DLGAP2: variants seen among roughly 807,000 people sequenced by gnomAD.
The protein encoded by DLGAP2 is DLG associated protein 2.
A neutral mutation model predicts 100.3 loss-of-function variants in DLGAP2; 26 were observed. The observed-to-expected ratio is 0.26, with a 90% CI of 0.19 to 0.36. The LOEUF (loss-of-function observed/expected upper bound fraction) is 0.36. Ranked by LOEUF, DLGAP2 falls within the 10% of genes least tolerant of loss-of-function variation. DLGAP2 has a pLI of 1.00. For synonymous variants in DLGAP2, 886 were observed against 630.1 expected (o/e 1.41, Z -6.08); for missense variants, 1,858 against 1,453.2 (o/e 1.28, Z -4.53).
intron 8 of DLGAP2, among the ~76,000 whole-genome samples, chr8:1,633,730 A>T (rs2130782618): frequency 6.6e-6 from 1 of 152,318 alleles, no homozygotes; most frequent in South Asian, 2.1e-4. Flanking sequence ...GAGGCGCCGC[A>T]CATAGAGGTT....
chr8:1,163,368 C>G (rs1796929672), intron 2 of DLGAP2, among the ~76,000 whole-genome samples: 2 of 152,234 alleles, frequency 1.3e-5, no homozygotes, highest in African/African-American at 2.4e-5. Flanking sequence ...CGCCTCCGCT[C>G]AGCGGGTCCG....
At chr8:862,004 A>C (rs868222051) in intron 1 of DLGAP2, among the ~76,000 whole-genome samples, 22 of 152,286 alleles carry the variant, frequency 1.4e-4, no homozygotes, top group South Asian at 8.3e-4. Context: ...TTTAGACTAA[A>C]TTTCTTTTGA....
At chr8:1,633,180 CA>C in intron 8 of DLGAP2, 134 bp downstream of exon 8, 1 of 801,458 alleles carries the variant, frequency 1.2e-6, no homozygotes, top group Admixed American at 2.6e-5. Context: ...TTCCTAATTG[CA>C]TGTGTTACAC....
chr8:1,178,444 C>G (rs1481687064), intron 2 of DLGAP2, among the ~76,000 whole-genome samples: 1 of 152,284 alleles, frequency 6.6e-6, no homozygotes, highest in Admixed American at 6.5e-5. Flanking sequence ...CTCTGTGTTT[C>G]TGTCCTGCTT....
At chr8:1,329,291 A>C (rs562972878) in intron 3 of DLGAP2, among the ~76,000 whole-genome samples, 2 of 152,350 alleles carry the variant, frequency 1.3e-5, no homozygotes, top group African/African-American at 4.8e-5. Context: ...GTAATCGCAC[A>C]AGTGCACCAG....
At chr8:1,331,397 G>A (rs1171059745) in intron 3 of DLGAP2, among the ~76,000 whole-genome samples, 2 of 151,986 alleles carry the variant, frequency 1.3e-5, no homozygotes, top group Non-Finnish European at 2.9e-5. Context: ...CTACGGACTC[G>A]AGCCTGAAAT....
At chr8:1,191,212 C>A (rs1157759881) in intron 2 of DLGAP2, among the ~76,000 whole-genome samples, 2 of 144,930 alleles carry the variant, frequency 1.4e-5, no homozygotes, top group Non-Finnish European at 3.0e-5. Context: ...CACTCTGTCA[C>A]CCAGGCTGGA....
At chr8:1,493,154 C>T (rs1163704431) in intron 3 of DLGAP2, among the ~76,000 whole-genome samples, 1 of 152,224 alleles carries the variant, frequency 6.6e-6, no homozygotes, top group Non-Finnish European at 1.5e-5. Context: ...GTAGCAAGAA[C>T]TCGGGGAGAA....
chr8:1,453,821 A>G (rs564865232), intron 3 of DLGAP2, among the ~76,000 whole-genome samples: 12 of 152,382 alleles, frequency 7.9e-5, no homozygotes, highest in South Asian at 6.2e-4. Context: ...AGAATTATGA[A>G]GAAAAACGCC....
chr8:1,304,450 G>T (rs1034817788), intron 3 of DLGAP2, among the ~76,000 whole-genome samples: 1 of 152,208 alleles, frequency 6.6e-6, no homozygotes, highest in Admixed American at 6.5e-5. Context: ...CAACCCACAT[G>T]TACCAAAAAC....
At chr8:1,513,368 C>T (rs1248284249) in intron 4 of DLGAP2, among the ~76,000 whole-genome samples, 3 of 151,890 alleles carry the variant, frequency 2.0e-5, no homozygotes, top group Non-Finnish European at 4.4e-5. Context: ...GGATACGCTA[C>T]TGCCTTTCCC....
intron 3 of DLGAP2, among the ~76,000 whole-genome samples, chr8:1,380,012 A>G (rs2129758299): frequency 6.6e-6 from 1 of 151,866 alleles, no homozygotes; most frequent in Non-Finnish European, 1.5e-5. Flanking sequence ...GCCCGGCTCC[A>G]TCCCAGCATC....
intron 2 of DLGAP2, among the ~76,000 whole-genome samples, chr8:942,767 C>A (rs1799224612): frequency 6.6e-6 from 1 of 152,206 alleles, no homozygotes; most frequent in South Asian, 2.1e-4. Context: ...CTAGGATTCA[C>A]AGGGCTCAGC....
intron 2 of DLGAP2, among the ~76,000 whole-genome samples, chr8:986,307 G>A (rs1234461877): frequency 2.0e-5 from 3 of 152,020 alleles, no homozygotes; most frequent in Admixed American, 2.0e-4. Flanking sequence ...ATGGCAATGT[G>A]AATTAAACTT....
chr8:1,588,486 G>T (rs1042651568), intron 6 of DLGAP2, among the ~76,000 whole-genome samples: 2 of 152,166 alleles, frequency 1.3e-5, no homozygotes, highest in Non-Finnish European at 2.9e-5. Flanking sequence ...CTTCTTTGGC[G>T]TATGATGCCT....
chr8:1,029,341 C>G (rs1422833224), intron 2 of DLGAP2, among the ~76,000 whole-genome samples: 1 of 152,140 alleles, frequency 6.6e-6, no homozygotes, highest in Non-Finnish European at 1.5e-5. Context: ...CAAGGAATAC[C>G]AGCATTTAGG....
At chr8:886,616 A>T (rs530223412) in intron 1 of DLGAP2, among the ~76,000 whole-genome samples, 1 of 152,128 alleles carries the variant, frequency 6.6e-6, no homozygotes, top group Non-Finnish European at 1.5e-5. Context: ...TTCTGCCTTA[A>T]TTTCATTATT....
chr8:865,051 A>G (rs1019809493), intron 1 of DLGAP2, among the ~76,000 whole-genome samples: 2 of 152,182 alleles, frequency 1.3e-5, no homozygotes, highest in Non-Finnish European at 2.9e-5. Flanking sequence ...TCAGATTTGG[A>G]AATGATATTG....
intron 2 of DLGAP2, among the ~76,000 whole-genome samples, chr8:1,212,328 G>A (rs564737800): frequency 2.4e-4 from 37 of 152,328 alleles, no homozygotes; most frequent in Admixed American, 1.0e-3. Context: ...GGTTTGCTCC[G>A]TCTCCAGAGG....
Sources: gnomAD v4.1 joint callset for allele counts (sites outside exome capture counted in the v4.1 genomes callset) on GRCh38, gnomAD v4.1.1 for gene constraint, MANE v1.5 for transcripts, NCBI Gene and HGNC (gene_info 2026-07-23, HGNC 2026-07-21) for gene names.